The following BMPR1A variants were observed in gnomAD, a reference collection of about 807,000 sequenced individuals.
BMPR1A encodes the protein bone morphogenetic protein receptor type 1A.
A neutral mutation model predicts 66.0 loss-of-function variants in BMPR1A; 7 were observed. The ratio of observed to expected loss-of-function variants is 0.11; its 90% CI spans 0.06 to 0.20. BMPR1A has a LOEUF of 0.20. Ranked by LOEUF, BMPR1A falls within the 10% of genes least tolerant of loss-of-function variation. The probability of loss-of-function intolerance (pLI) is 1.00; values close to 1 mark genes in which losing one functional copy is unlikely to be tolerated. For synonymous variants in BMPR1A, 200 were observed against 229.7 expected, an observed-to-expected ratio of 0.87 and a Z score of 1.17; for missense variants, 408 against 669.1, an observed-to-expected ratio of 0.61 and a Z score of 4.31.
chr10:86,906,723 C>A (rs1589285846), intron 7 of BMPR1A, among the ~76,000 whole-genome samples: 1 of 10,704 alleles, frequency 9.3e-5, no homozygotes. Flanking sequence ...GACTCCGTCT[C>A]AAAAAAAAAA....
At chr10:86,826,334 G>T (rs745524293) in intron 1 of BMPR1A, among the ~76,000 whole-genome samples, 14 of 151,112 alleles carry the variant, frequency 9.3e-5, no homozygotes, top group Non-Finnish European at 1.9e-4. Context: ...TTTTGATCCA[G>T]AAACCAAGGG....
intron 10 of BMPR1A, among the ~76,000 whole-genome samples, chr10:86,920,856 C>CTTT (rs397774280): frequency 6.5e-5 from 8 of 122,172 alleles, no homozygotes; most frequent in African/African-American, 1.6e-4. Context: ...CTTTTCTTTT[C>CTTT]TTTTTTTTTT....
At chr10:86,886,481 T>C (rs1309845300) in intron 3 of BMPR1A, among the ~76,000 whole-genome samples, 1 of 152,112 alleles carries the variant, frequency 6.6e-6, no homozygotes, top group Non-Finnish European at 1.5e-5. Flanking sequence ...ATGAAAACAA[T>C]TGACATACAT....
chr10:86,908,311 G>A (rs952758245), intron 7 of BMPR1A, among the ~76,000 whole-genome samples: 3 of 152,136 alleles, frequency 2.0e-5, no homozygotes, highest in Non-Finnish European at 2.9e-5. Context: ...GATATCACAT[G>A]TACCCCCCAA....
At chr10:86,877,374 A>AT (rs1359371044) in intron 3 of BMPR1A, among the ~76,000 whole-genome samples, 1 of 151,638 alleles carries the variant, frequency 6.6e-6, no homozygotes, top group Admixed American at 6.6e-5. Context: ...CGCCCAGCTA[A>AT]TTTTTTGTAT....
intron 7 of BMPR1A, among the ~76,000 whole-genome samples, chr10:86,907,721 C>T (rs767727664): frequency 6.6e-6 from 1 of 152,044 alleles, no homozygotes; most frequent in Non-Finnish European, 1.5e-5. Context: ...CAGTCATAGA[C>T]AAATATTACA....
At chr10:86,800,907 T>G (rs537520165) in intron 1 of BMPR1A, among the ~76,000 whole-genome samples, 2 of 152,208 alleles carry the variant, frequency 1.3e-5, no homozygotes, top group Non-Finnish European at 2.9e-5. Context: ...ATAAAATTAG[T>G]AGTGCCGCTG....
intron 1 of BMPR1A, among the ~76,000 whole-genome samples, chr10:86,829,300 G>A (rs1303441725): frequency 6.6e-6 from 1 of 151,990 alleles, no homozygotes; most frequent in Non-Finnish European, 1.5e-5. Flanking sequence ...TATAGTCCTT[G>A]AACAGTTATT....
At chr10:86,854,847 C>A in intron 2 of BMPR1A, 1 of 243,880 alleles carries the variant, frequency 4.1e-6, no homozygotes, top group South Asian at 7.6e-5. Flanking sequence ...GGTAAAGACT[C>A]TTCCAAGCTG....
chr10:86,907,236 T>C (rs1843408438), intron 7 of BMPR1A, among the ~76,000 whole-genome samples: 2 of 152,366 alleles, frequency 1.3e-5, no homozygotes, highest in South Asian at 4.1e-4. Context: ...CTCATAAGTT[T>C]ATTTGGATGT....
downstream of BMPR1A, chr10:86,929,091 T>C (rs1298787665): frequency 1.3e-5 from 2 of 152,086 alleles, no homozygotes; most frequent in Admixed American, 1.3e-4. Flanking sequence ...CAATCCCCTA[T>C]TGAATATTTG....
intron 1 of BMPR1A, among the ~76,000 whole-genome samples, chr10:86,773,057 A>C (rs1249986449): frequency 6.6e-6 from 1 of 152,008 alleles, no homozygotes; most frequent in African/African-American, 2.4e-5. Context: ...AGGAACTTGA[A>C]ATTTGTAGGG....
chr10:86,871,950 A>G (rs1325688251), intron 2 of BMPR1A, among the ~76,000 whole-genome samples: 2 of 152,116 alleles, frequency 1.3e-5, no homozygotes, highest in East Asian at 1.9e-4. Flanking sequence ...AGTGGTTGCT[A>G]TGTCCTTTGC....
chr10:86,873,098 G>A (rs956210470), intron 2 of BMPR1A, among the ~76,000 whole-genome samples: 14 of 152,152 alleles, frequency 9.2e-5, no homozygotes. Flanking sequence ...GCTCTGCAGG[G>A]TGCCTTGGTT....
chr10:86,842,475 GGAGA>G (rs1004336859), intron 2 of BMPR1A, among the ~76,000 whole-genome samples: 1 of 152,098 alleles, frequency 6.6e-6, no homozygotes, highest in African/African-American at 2.4e-5. Context: ...ATTTAGAATA[GGAGA>G]GAGAGTTTGA....
At chr10:86,840,745 C>T (rs959395407) in intron 2 of BMPR1A, among the ~76,000 whole-genome samples, 7 of 152,104 alleles carry the variant, frequency 4.6e-5, no homozygotes, top group African/African-American at 1.7e-4. Context: ...TGTTAATGGA[C>T]CTCTTTGTCA....
At position 86,898,339 on chromosome 10, in the gene BMPR1A, C is replaced by G. The variant is rs370636281; in HGVS notation, c.334-1455C>G. 8.6e-5 allele frequency among the ~76,000 whole-genome samples: 13 copies of G among 151,800 alleles called. No homozygotes were observed. The South Asian group carries it at 2.1e-3, about 24-fold the overall frequency. On this transcript the variant is annotated intron_variant, in intron 5 of 12. Coordinates refer to ENST00000372037, the MANE Select transcript of BMPR1A (RefSeq NM_004329.3). ...ACATTCCATTATCTATTGTAGTTTC[C>G]AACACTCCATCTTTCTAAAGTCTTT... is the stretch of plus-strand genomic sequence containing the variant.
chr10:86,928,103 C>T (rs192546133), downstream of BMPR1A: 430 of 165,974 alleles, frequency 2.6e-3, 2 homozygotes, highest in Middle Eastern at 5.2e-3. Flanking sequence ...TACCAGAAAC[C>T]CAGTATGGAG....
At chr10:86,917,849 G>A (rs892730806) in intron 9 of BMPR1A, among the ~76,000 whole-genome samples, 2 of 152,192 alleles carry the variant, frequency 1.3e-5, no homozygotes, top group Non-Finnish European at 2.9e-5. Context: ...AATTTGGAGA[G>A]CCCATAGCAT....
Sources: gnomAD v4.1 joint callset for allele counts (sites outside exome capture counted in the v4.1 genomes callset) on GRCh38, gnomAD v4.1.1 for gene constraint, MANE v1.5 for transcripts, NCBI Gene and HGNC (gene_info 2026-07-23, HGNC 2026-07-21) for gene names.